Variants in PEAR1 observed in about 807,000 individuals in gnomAD.
PEAR1 encodes the protein platelet endothelial aggregation receptor 1.
Under a neutral mutation model 131.2 loss-of-function variants are expected in PEAR1, and 113 were observed. The ratio of observed to expected loss-of-function variants is 0.86; its 90% confidence interval spans 0.74 to 1.01. PEAR1 has a LOEUF of 1.01. PEAR1 is among the 50% of genes least tolerant of loss of function. PEAR1 has a pLI of 0.00. For synonymous variants in PEAR1, 565 were observed against 523.3 expected (o/e 1.08, Z -1.09); for missense variants, 1,408 against 1,391.1 (o/e 1.01, Z -0.19).
In PEAR1 at chr1:156,910,048, G is replaced by T; in HGVS notation, c.1618G>T (p.Asp540Tyr). The change falls in exon 13 of 23, where the codon GAC (aspartate) becomes TAC (tyrosine). Residue 540 changes from aspartate to tyrosine, a missense_variant. By Grantham distance (160) the Asp-to-Tyr change is radical. Transcript: ENST00000292357. ...AGGTTGTGCCAGTCGCTGTGACTGT[G>T]ACCACTCTGATGGCTGTGACCCTGT... ...GEGCASRCDC[D>Y]HSDGCDPVHG... is the part of the protein sequence containing the mutation. The T allele has an allele frequency of 6.2e-7, 1 of 1,614,096 alleles. No individual in the cohort carries two copies. Among genetic ancestry groups the T allele is most frequent in the South Asian group, 1.1e-5 (1 of 91,076 alleles).
In PEAR1 at chr1:156,905,051, G is replaced by T. The variant is rs542459667; in HGVS notation, c.206+199G>T. 8 of 1,467,452 alleles carry T rather than the reference G, an allele frequency of 5.5e-6. No individual in the cohort carries two copies. In the East Asian group the frequency reaches 7.4e-5, roughly 14 times the overall value. 90.9% of individuals were successfully genotyped at this position (1,467,452 alleles called of 1,614,324 possible). ...ATGCGTGTATGTGTGTTTAGGGTAC[G>T]CATGCATGTTACAGTATATGCCTGT... On this transcript the variant is annotated intron_variant, in intron 3 of 22. Transcript: ENST00000292357.
At position 156,906,895 on chromosome 1, in the gene PEAR1, G is replaced by A. The variant is rs765994950; in HGVS notation, c.644+15G>A. On this transcript the variant is annotated intron_variant, in intron 6 of 22. Coordinates refer to ENST00000292357, the MANE Select transcript of PEAR1 (RefSeq NM_001080471.3). ...ACTGGGCCCAGGTATGTAATGGGGG[G>A]AACGACACTTTAACAAGATCGCAGA... 2.4e-5 allele frequency: 38 copies of A among 1,611,210 alleles called. No individual in the cohort carries two copies. The highest frequency in any genetic ancestry group is 3.1e-5 in the Non-Finnish European group (36 of 1,178,506).
chr1:156,900,428 G>C (rs1273450169), intron 1 of PEAR1, among the ~76,000 whole-genome samples: 1 of 151,944 alleles, frequency 6.6e-6, no homozygotes, highest in African/African-American at 2.4e-5. Context: ...TTGGGAAAGA[G>C]TAGAATCATG....
chr1:156,910,198 G>T (rs374800598), intron 13 of PEAR1, 36 bp from the exon 14 acceptor site: 6 of 1,611,052 alleles, frequency 3.7e-6, no homozygotes, highest in Non-Finnish European at 4.2e-6. Flanking sequence ...ACTGAAGGGG[G>T]CCCAGCCAGG....
chr1:156,906,623 T>C lies in PEAR1; in HGVS notation c.401-14T>C. 1 of 1,613,982 alleles carries C rather than the reference T, an allele frequency of 6.2e-7. No homozygotes were observed. Among genetic ancestry groups the C allele is most frequent in the South Asian group, 1.1e-5 (1 of 91,080 alleles). On this transcript the variant is annotated splice_polypyrimidine_tract_variant and intron_variant, in intron 5 of 22. Transcript: ENST00000292357. ...GACCCCTGGTGACCCCCTTCCCGCC[T>C]CCTTATCCCACAGAGTGTGCCCCAG... is the stretch of plus-strand genomic sequence containing the variant.
intron 1 of PEAR1, among the ~76,000 whole-genome samples, chr1:156,895,407 G>A (rs1378855553): frequency 5.9e-5 from 9 of 152,342 alleles, no homozygotes; most frequent in African/African-American, 2.2e-4. Context: ...TCTCCTCTGA[G>A]GAGCCTTGGG....
chr1:156,906,290 G>A lies in PEAR1; in HGVS notation c.322G>A (p.Glu108Lys). 1.2e-6 allele frequency: 2 copies of A among 1,614,202 alleles called. No individual in the cohort carries two copies. Among genetic ancestry groups the A allele is most frequent in the Non-Finnish European group, 1.7e-6 (2 of 1,180,018 alleles). ...RGFCVPLCAQ[E>K]CVHGRCVAPN... is the part of the protein sequence containing the mutation. Reference sequence around the variant, plus strand: ...CTCTGTCCCAGCGCTCTGTGCCCAGGAGTGTGTCCATGGCCGTTGTGTGGC... The same window carrying A: ...CTCTGTCCCAGCGCTCTGTGCCCAGAAGTGTGTCCATGGCCGTTGTGTGGC... The change falls in exon 5 of 23, where the codon GAG becomes AAG. Residue 108 changes from glutamate (E) to lysine (K), a missense_variant. Physicochemically the swap from Glu to Lys is moderately conservative, Grantham distance 56 (BLOSUM62 1). Transcript: ENST00000292357.
Position 156,906,877 on chromosome 1 carries a change from C to T in PEAR1, c.641C>T (p.Pro214Leu), listed in dbSNP as rs764271224. 1 of 1,613,704 alleles carries T rather than the reference C, an allele frequency of 6.2e-7. No individual in the cohort carries two copies. The highest frequency in any genetic ancestry group is 1.7e-5 in the Admixed American group (1 of 59,968). Residue 214 changes from proline to leucine, a missense_variant, in exon 6 of 23, where the codon CCC becomes CTC. Transcript: ENST00000292357. Reference protein sequence around the residue: ...ACFCPAERTGPSCDVSCSQGT... With the variant: ...ACFCPAERTGLSCDVSCSQGT... Reference sequence around the variant, plus strand: ...TTCTGCCCCGCAGAGAGAACTGGGCCCAGGTATGTAATGGGGGGAACGACA... The same window carrying T: ...TTCTGCCCCGCAGAGAGAACTGGGCTCAGGTATGTAATGGGGGGAACGACA...
At position 156,908,811 on chromosome 1, in the gene PEAR1, G is replaced by GTGC. The variant is rs763901062; in HGVS notation, c.1273_1275dup (p.Cys425dup). On this transcript the variant is annotated inframe_insertion, in exon 10 of 23. Transcript: ENST00000292357. This position sits in a 1 kb window ranked among gnomAD's most constrained non-coding sequence, Gnocchi z 4.2. ...GCCAGGCTACCAGCGGCCTCTGTCA[G>GTGC]TGCGCGCCGGGTTACACGGTGAGGC... 4 of 1,606,862 alleles carry GTGC rather than the reference G, an allele frequency of 2.5e-6. No individual in the cohort carries two copies. Among genetic ancestry groups the GTGC allele is most frequent in the Non-Finnish European group, 3.4e-6 (4 of 1,179,398 alleles).
chr1:156,905,221 C>G (rs1241979056), intron 3 of PEAR1, 103 bp from the exon 4 acceptor site: 3 of 1,276,468 alleles, frequency 2.4e-6, no homozygotes, highest in Non-Finnish European at 3.3e-6. Context: ...GCGCCCTCAG[C>G]CCAGAGTGTT....
intron 1 of PEAR1, among the ~76,000 whole-genome samples, chr1:156,895,556 G>C (rs1649084106): frequency 6.6e-6 from 1 of 152,238 alleles, no homozygotes; most frequent in Non-Finnish European, 1.5e-5. Flanking sequence ...GGGAAGGAGA[G>C]AGAGAAACAC....
At chr1:156,913,167 C>A in intron 18 of PEAR1, 27 bp from the exon 19 acceptor site, 1 of 1,607,094 alleles carries the variant, frequency 6.2e-7, no homozygotes, top group East Asian at 2.2e-5. Context: ...TCGCTGAGCT[C>A]ACCCTGTGCT....
At chr1:156,911,144 CTT>C (rs1491246870) in intron 15 of PEAR1, among the ~76,000 whole-genome samples, 2 of 119,280 alleles carry the variant, frequency 1.7e-5, no homozygotes, top group African/African-American at 6.4e-5. Flanking sequence ...TCTTTCTTTT[CTT>C]TCTTTCTTTT....
intron 5 of PEAR1, 108 bp downstream of exon 5, chr1:156,906,476 T>C (rs898972085): frequency 2.6e-6 from 4 of 1,530,410 alleles, no homozygotes; most frequent in Non-Finnish European, 3.6e-6. Context: ...CCCAGGGCGA[T>C]TACCCGCCAG....
At chr1:156,913,046 T>C in intron 18 of PEAR1, 64 bp downstream of exon 18, 1 of 1,596,664 alleles carries the variant, frequency 6.3e-7, no homozygotes, top group Non-Finnish European at 8.6e-7. Flanking sequence ...GAGTGGATGC[T>C]GGGCATGACC....
chr1:156,907,684 T>TC lies in PEAR1; in HGVS notation c.720dup (p.Phe241LeufsTer45). On this transcript the variant is annotated frameshift_variant, in exon 7 of 23. Transcript: ENST00000292357. LOFTEE classifies it high-confidence loss of function. ...ACCCATTCTTGCCAAAATGGAGGTG[T>TC]CTTCCAAACCCCACAGGGCTCCTGC... 1 of 1,613,916 alleles carries TC rather than the reference T, an allele frequency of 6.2e-7. No homozygotes were observed. The highest frequency in any genetic ancestry group is 8.5e-7 in the Non-Finnish European group (1 of 1,179,906).
chr1:156,912,491 C>T lies in PEAR1; in HGVS notation c.2081-3C>T. On this transcript the variant is annotated splice_polypyrimidine_tract_variant and splice_region_variant and intron_variant, in intron 16 of 22. Coordinates refer to ENST00000292357, the MANE Select transcript of PEAR1 (RefSeq NM_001080471.3). ...CGGCCTGCCTCCTTGGCTGTCTCCC[C>T]AGGCTGCCCTCTGGGGACATTTGGT... 1 of 1,611,932 alleles carries T rather than the reference C, an allele frequency of 6.2e-7. No homozygotes were observed. Among genetic ancestry groups the T allele is most frequent in the Non-Finnish European group, 8.5e-7 (1 of 1,179,174 alleles).
intron 1 of PEAR1, among the ~76,000 whole-genome samples, chr1:156,895,408 G>A (rs1447320392): frequency 1.3e-5 from 2 of 152,238 alleles, no homozygotes; most frequent in Non-Finnish European, 2.9e-5. Context: ...CTCCTCTGAG[G>A]AGCCTTGGGA....
At position 156,908,898 on chromosome 1, in the gene PEAR1, C is replaced by T. The variant is rs1371141152; in HGVS notation, c.1291-18C>T. 3 of 1,611,908 alleles carry T rather than the reference C, an allele frequency of 1.9e-6. No homozygotes were observed. The East Asian group carries it at 6.7e-5, about 36-fold the overall frequency. On this transcript the variant is annotated intron_variant, in intron 10 of 22. Coordinates refer to ENST00000292357, the MANE Select transcript of PEAR1 (RefSeq NM_001080471.3). This position sits in a 1 kb window ranked among gnomAD's most constrained non-coding sequence, Gnocchi z 4.2. ...CCAAGGAATGGGCCGCCCCTCTCAC[C>T]CGCTCACCCTCTTTCAGGGCCCTCA...
Sources: allele counts gnomAD v4.1 joint callset (sites outside exome capture counted in the v4.1 genomes callset), GRCh38; gene constraint gnomAD v4.1.1; non-coding constraint Gnocchi (gnomAD v3.1); transcripts MANE v1.5; gene names NCBI Gene and HGNC (gene_info 2026-07-23, HGNC 2026-07-21).